The following MECOM variants were observed in gnomAD, a reference collection of about 807,000 sequenced individuals.
The protein encoded by MECOM is histone-lysine N-methyltransferase MECOM.
MECOM carries 13 observed loss-of-function variants against 116.3 expected under a neutral mutation model. That is an observed-to-expected ratio of 0.11 (90% CI 0.07 to 0.18). The LOEUF (loss-of-function observed/expected upper bound fraction) is 0.18, where lower values mean the gene tolerates loss of function less well. MECOM is among the 10% of genes least tolerant of loss of function. MECOM has a pLI of 1.00. For missense variants in MECOM, 1,299 were observed against 1,509.0 expected, an observed-to-expected ratio of 0.86 and a Z score of 2.31; for synonymous variants, 528 against 535.2, an observed-to-expected ratio of 0.99 and a Z score of 0.19.
intron 2 of MECOM, among the ~76,000 whole-genome samples, chr3:169,317,692 T>C (rs1720010924): frequency 1.3e-5 from 2 of 152,194 alleles, no homozygotes; most frequent in African/African-American, 4.8e-5. Context: ...GACTAATGCT[T>C]AGTGGGTCTA....
chr3:169,438,522 G>C (rs1405073479), intron 1 of MECOM, among the ~76,000 whole-genome samples: 2 of 152,154 alleles, frequency 1.3e-5, no homozygotes, highest in Non-Finnish European at 2.9e-5. Context: ...GAGGGATCTG[G>C]GGTTTTATCC....
intron 2 of MECOM, among the ~76,000 whole-genome samples, chr3:169,253,567 A>G (rs1381319227): frequency 2.0e-5 from 3 of 152,108 alleles, no homozygotes; most frequent in Non-Finnish European, 4.4e-5. Context: ...TTCAGAATGA[A>G]AAGTATAAGA....
intron 2 of MECOM, among the ~76,000 whole-genome samples, chr3:169,360,141 T>C (rs1224824259): frequency 6.6e-6 from 1 of 151,554 alleles, no homozygotes; most frequent in African/African-American, 2.4e-5. Context: ...AATTCAAGTA[T>C]ACCCCTTCTA....
chr3:169,266,907 A>C (rs1758382820), intron 2 of MECOM, among the ~76,000 whole-genome samples: 1 of 152,124 alleles, frequency 6.6e-6, no homozygotes, highest in Admixed American at 6.5e-5. Context: ...GAAGGAAGGA[A>C]AGAAAAAAAG....
Position 169,083,722 on chromosome 3 carries a change from AGGTTGG to A in MECOM, c.*1181_*1186del, listed in dbSNP as rs932586104. On this transcript the variant is annotated 3_prime_UTR_variant, in exon 17 of 17. Coordinates refer to ENST00000651503, the MANE Select transcript of MECOM (RefSeq NM_004991.4). ...TTATTTACTTCTCTCTTTTAACATA[AGGTTGG>A]GAACACTTCATTTTACAAATAGGAT... 4.8e-6 allele frequency: 1 copy of A among 206,326 alleles called. No homozygotes were observed. The highest frequency in any genetic ancestry group is 2.3e-5 in the African/African-American group (1 of 43,994). The allele number at this position is 206,326 out of a possible 1,614,324, so 12.8% of individuals were successfully genotyped here.
At chr3:169,246,527 C>CTTTT (rs11454849) in intron 2 of MECOM, among the ~76,000 whole-genome samples, 3 of 131,330 alleles carry the variant, frequency 2.3e-5, no homozygotes, top group African/African-American at 2.9e-5. Flanking sequence ...TACACATACA[C>CTTTT]TTTTTTTTTT....
At chr3:169,118,279 A>C (rs1302449809) in intron 7 of MECOM, among the ~76,000 whole-genome samples, 3 of 152,176 alleles carry the variant, frequency 2.0e-5, no homozygotes, top group African/African-American at 7.2e-5. Flanking sequence ...TGGTAATATT[A>C]AAGGTGCCTT....
At chr3:169,303,365 T>C (rs1717110746) in intron 2 of MECOM, among the ~76,000 whole-genome samples, 2 of 151,076 alleles carry the variant, frequency 1.3e-5, no homozygotes, top group African/African-American at 4.9e-5. Flanking sequence ...ATCACACTAC[T>C]ATTCATTCAT....
intron 1 of MECOM, among the ~76,000 whole-genome samples, chr3:169,492,728 G>A (rs188286946): frequency 1.0e-3 from 158 of 152,234 alleles, no homozygotes; most frequent in Middle Eastern, 3.4e-3. Flanking sequence ...TTGGGAGGCC[G>A]AGGCGGGCAG....
chr3:169,236,375 A>C (rs944230176), intron 2 of MECOM, among the ~76,000 whole-genome samples: 1 of 152,340 alleles, frequency 6.6e-6, no homozygotes, highest in South Asian at 2.1e-4. Flanking sequence ...CGAGTGTTGC[A>C]ATAGAAGTAA....
chr3:169,627,938 G>A (rs531418969), intron 1 of MECOM, among the ~76,000 whole-genome samples: 2 of 152,362 alleles, frequency 1.3e-5, no homozygotes, highest in South Asian at 2.1e-4. Flanking sequence ...CAGATCACAG[G>A]TGACGTGGCG....
At chr3:169,241,378 A>T (rs1168889826) in intron 2 of MECOM, among the ~76,000 whole-genome samples, 1 of 152,168 alleles carries the variant, frequency 6.6e-6, no homozygotes, top group Non-Finnish European at 1.5e-5. Flanking sequence ...AGGGTTCATG[A>T]GCTCTTAGAA....
At chr3:169,420,454 T>C (rs1334596984) in intron 1 of MECOM, among the ~76,000 whole-genome samples, 1 of 152,142 alleles carries the variant, frequency 6.6e-6, no homozygotes, top group Non-Finnish European at 1.5e-5. Context: ...GGATCTGAAA[T>C]TCAAATTATG....
chr3:169,462,906 A>G (rs1747695346), intron 1 of MECOM, among the ~76,000 whole-genome samples: 1 of 152,206 alleles, frequency 6.6e-6, no homozygotes, highest in Non-Finnish European at 1.5e-5. Context: ...TGCAAATTTT[A>G]AAGAACAACC....
intron 12 of MECOM, among the ~76,000 whole-genome samples, chr3:169,100,090 T>C (rs573678165): frequency 3.8e-5 from 4 of 105,078 alleles, no homozygotes; most frequent in African/African-American, 1.1e-4. Flanking sequence ...TCTTTCTTTC[T>C]TTCTTTCTTT....
intron 2 of MECOM, among the ~76,000 whole-genome samples, chr3:169,215,378 T>G (rs1050226530): frequency 6.6e-6 from 1 of 152,050 alleles, no homozygotes; most frequent in African/African-American, 2.4e-5. Flanking sequence ...TCCGTGGAGC[T>G]CCTCCTTTTC....
chr3:169,502,376 C>T (rs1754644932), intron 1 of MECOM, among the ~76,000 whole-genome samples: 1 of 152,074 alleles, frequency 6.6e-6, no homozygotes, highest in Non-Finnish European at 1.5e-5. Context: ...ATCTCCAACT[C>T]CTTGGAGATG....
At chr3:169,612,282 G>A (rs1335319956) in intron 1 of MECOM, among the ~76,000 whole-genome samples, 1 of 152,144 alleles carries the variant, frequency 6.6e-6, no homozygotes, top group Non-Finnish European at 1.5e-5. Context: ...TGGTTCAAAA[G>A]AATCATGGCT....
At chr3:169,307,026 C>T (rs6806711) in intron 2 of MECOM, among the ~76,000 whole-genome samples, 17,686 of 152,200 alleles carry the variant, frequency 0.12, 1,261 homozygotes, top group African/African-American at 0.2. Flanking sequence ...ACAGCCATGC[C>T]AAGTTTACCA....
Sources: gnomAD v4.1 joint callset for allele counts (sites outside exome capture counted in the v4.1 genomes callset) on GRCh38, gnomAD v4.1.1 for gene constraint, MANE v1.5 for transcripts, NCBI Gene and HGNC (gene_info 2026-07-23, HGNC 2026-07-21) for gene names.